Variants in TUBA4B observed in about 807,000 individuals in gnomAD.
TUBA4B encodes tubulin alpha 4b.
In TUBA4B, 13 loss-of-function variants were observed where a neutral mutation model predicts 18.4. The observed-to-expected ratio is 0.71, with a 90% CI of 0.46 to 1.12. TUBA4B has a LOEUF of 1.12. Ranked by LOEUF, TUBA4B falls within the 50% of genes most tolerant of loss-of-function variation. The pLI, the probability that TUBA4B is intolerant of heterozygous loss-of-function variation, is 0.00. For missense variants in TUBA4B, 244 were observed against 250.0 expected (o/e 0.98, Z 0.16); for synonymous variants, 101 against 99.1 (o/e 1.02, Z -0.11).
At chr2:219,269,463 T>C (rs564893088) in intron 2 of TUBA4B, among the ~76,000 whole-genome samples, 3 of 152,208 alleles carry the variant, frequency 2.0e-5, no homozygotes, top group Non-Finnish European at 4.4e-5. Context: ...TGCTCCTCAG[T>C]GCCACCAGTA....
At chr2:219,270,101 C>T (rs901660433) in intron 2 of TUBA4B, 101 bp from the exon 3 acceptor site, 22 of 645,046 alleles carry the variant, frequency 3.4e-5, no homozygotes, top group Non-Finnish European at 5.4e-5. Context: ...ACCTGGGACC[C>T]GGTGACCCCA....
chr2:219,261,172 A>G (rs116264379), intron 1 of TUBA4B, among the ~76,000 whole-genome samples: 3,548 of 152,116 alleles, frequency 0.023, 142 homozygotes, highest in African/African-American at 0.081. Context: ...GGGTTGATTC[A>G]GTCATGTCAC....
At chr2:219,255,080 TTGC>T (rs1951706664) in intron 1 of TUBA4B, among the ~76,000 whole-genome samples, 1 of 152,180 alleles carries the variant, frequency 6.6e-6, no homozygotes, top group African/African-American at 2.4e-5. Flanking sequence ...AGTCAGTGTC[TTGC>T]TGTGTCACCC....
rs779041612 is a variant in TUBA4B, at chr2:219,271,498, C to T, written c.525C>T (p.Ser175=). 4 of 1,614,216 alleles carry T rather than the reference C, an allele frequency of 2.5e-6. No individual in the cohort carries two copies. The highest frequency in any genetic ancestry group is 2.2e-5 in the South Asian group (2 of 91,080). ...NLNRLISQIV[S]SITASLRFDG... Reference sequence around the variant, plus strand: ...ATCGCCTCATTAGCCAAATTGTCTCCTCCATCACAGCTTCTCTGCGCTTTG... The same window carrying T: ...ATCGCCTCATTAGCCAAATTGTCTCTTCCATCACAGCTTCTCTGCGCTTTG... Residue 175 remains serine (S), a synonymous_variant, in exon 4 of 4, where the codon TCC becomes TCT. Coordinates refer to ENST00000490341, the MANE Select transcript of TUBA4B (RefSeq NM_001355221.1).
At position 219,272,179 on chromosome 2, in the gene TUBA4B, C is replaced by T. The variant is rs1188854030; in HGVS notation, c.*480C>T. On this transcript the variant is annotated 3_prime_UTR_variant, in exon 4 of 4. Coordinates refer to ENST00000490341, the MANE Select transcript of TUBA4B (RefSeq NM_001355221.1). ...CTGTGTGTCTGTCCTACATAAAGTG[C>T]TGTGGCCTTATTGTCTCACGAATGT... is the stretch of plus-strand genomic sequence containing the variant. 3 of 547,540 alleles carry T rather than the reference C, an allele frequency of 5.5e-6. No homozygotes were observed. The South Asian group carries it at 5.9e-5, about 11-fold the overall frequency. The allele number at this position is 547,540 out of a possible 1,614,324, so 33.9% of individuals were successfully genotyped here.
intron 1 of TUBA4B, chr2:219,254,312 C>G (rs1040276633): frequency 1.3e-5 from 2 of 156,170 alleles, no homozygotes; most frequent in African/African-American, 4.8e-5. Flanking sequence ...CCACAGCTGG[C>G]CTTCACCCCT....
intron 3 of TUBA4B, 81 bp downstream of exon 3, chr2:219,270,416 AAGG>A: frequency 1.5e-6 from 1 of 682,566 alleles, no homozygotes; most frequent in Non-Finnish European, 2.7e-6. Flanking sequence ...CAGATTGGGG[AAGG>A]ACAGCTTCAG....
At chr2:219,270,107 CCCCACT>C in intron 2 of TUBA4B, 89 bp from the exon 3 acceptor site, 1 of 656,780 alleles carries the variant, frequency 1.5e-6, no homozygotes, top group Non-Finnish European at 2.8e-6. Context: ...GACCCGGTGA[CCCCACT>C]CCCTTCAGGT....
intron 1 of TUBA4B, 40 bp from the exon 2 acceptor site, chr2:219,266,481 C>A (rs1415094500): frequency 1.4e-6 from 1 of 697,460 alleles, no homozygotes; most frequent in Non-Finnish European, 2.6e-6. Context: ...CTGGCCGCTG[C>A]AGGCCTCTCA....
At chr2:219,256,217 A>C (rs1406231429) in intron 1 of TUBA4B, among the ~76,000 whole-genome samples, 4 of 152,210 alleles carry the variant, frequency 2.6e-5, no homozygotes, top group Admixed American at 2.6e-4. Context: ...CGGGATAACA[A>C]CTTCAGATTG....
chr2:219,270,368 A>G, intron 3 of TUBA4B, 33 bp downstream of exon 3: 1 of 707,604 alleles, frequency 1.4e-6, no homozygotes, highest in Non-Finnish European at 2.6e-6. Flanking sequence ...GGGCAGGGGG[A>G]ATGAATCTGG....
intron 1 of TUBA4B, among the ~76,000 whole-genome samples, chr2:219,259,171 T>G (rs1347697844): frequency 7.1e-6 from 1 of 141,834 alleles, no homozygotes; most frequent in Non-Finnish European, 1.5e-5. Context: ...AATAAATAAA[T>G]TATCCGGGCA....
intron 1 of TUBA4B, among the ~76,000 whole-genome samples, chr2:219,263,714 T>C (rs1211528574): frequency 6.6e-6 from 1 of 152,210 alleles, no homozygotes; most frequent in Non-Finnish European, 1.5e-5. Flanking sequence ...CTTTGATATG[T>C]TAAGTGGCTG....
chr2:219,271,020 C>T, intron 3 of TUBA4B, 146 bp from the exon 4 acceptor site: 1 of 602,050 alleles, frequency 1.7e-6, no homozygotes, highest in South Asian at 2.0e-5. Context: ...CCTGGACCCA[C>T]TCTATGAGGA....
Position 219,272,087 on chromosome 2 carries a change from G to A in TUBA4B, c.*388G>A. 3.6e-6 allele frequency: 4 copies of A among 1,102,834 alleles called. No homozygotes were observed. The highest frequency in any genetic ancestry group is 5.5e-6 in the Non-Finnish European group (4 of 730,438). 68.3% of individuals were successfully genotyped at this position (1,102,834 alleles called of 1,614,324 possible). A position where few individuals can be genotyped will look rare whatever the true frequency, so the allele number is the denominator to read the frequency against. Reference sequence around the variant, plus strand: ...TGACTGCCCTGGAGAAGGATTACAAGGAGGTGGGCATGGATAGTGTGGAGT... The same window carrying A: ...TGACTGCCCTGGAGAAGGATTACAAAGAGGTGGGCATGGATAGTGTGGAGT... On this transcript the variant is annotated 3_prime_UTR_variant, in exon 4 of 4. Coordinates refer to ENST00000490341, the MANE Select transcript of TUBA4B (RefSeq NM_001355221.1).
Position 219,253,303 on chromosome 2 carries a change from C to G in TUBA4B, c.-105C>G, listed in dbSNP as rs1322059675. On this transcript the variant is annotated 5_prime_UTR_variant, in exon 1 of 4. Transcript: ENST00000490341. ...AGAGGGCCAGCTCGCTTCAGGAGGC[C>G]GAACCCCGTTCCCACCAACCCTCTC... The G allele has an allele frequency of 7.2e-6, 11 of 1,517,998 alleles. No individual in the cohort carries two copies. Among genetic ancestry groups the G allele is most frequent in the Non-Finnish European group, 9.7e-6 (11 of 1,136,110 alleles). 94.0% of individuals were successfully genotyped at this position (1,517,998 alleles called of 1,614,324 possible).
chr2:219,262,172 G>A lies in TUBA4B; in HGVS notation c.13-4349G>A, dbSNP rs573413062. Among the ~76,000 whole-genome samples the A allele has an allele frequency of 1.0e-3, 159 of 152,268 alleles. 1 individual carries two copies. In the Middle Eastern group the frequency reaches 0.014, roughly 13 times the overall value. ...TAAAAATACAAAAAATTAGCCTGGC[G>A]TGGTGGTGGGCGCCTGTAGTCCCAG... On this transcript the variant is annotated intron_variant, in intron 1 of 3. Transcript: ENST00000490341.
rs1951678120 is a variant in TUBA4B, at chr2:219,253,259, G to A, written c.-149G>A. On this transcript the variant is annotated 5_prime_UTR_variant, in exon 1 of 4. Coordinates refer to ENST00000490341, the MANE Select transcript of TUBA4B (RefSeq NM_001355221.1). ...GCGCCAGCTGTCTCTGCCCATCCGC[G>A]CACCCGGGCTTCGGCTGGAGAGGGC... 4 of 1,492,016 alleles carry A rather than the reference G, an allele frequency of 2.7e-6. No homozygotes were observed. Among genetic ancestry groups the A allele is most frequent in the Non-Finnish European group, 3.6e-6 (4 of 1,120,402 alleles). 92.4% of individuals were successfully genotyped at this position (1,492,016 alleles called of 1,614,324 possible).
intron 1 of TUBA4B, among the ~76,000 whole-genome samples, chr2:219,261,691 C>A (rs1951760117): frequency 6.6e-6 from 1 of 152,240 alleles, no homozygotes; most frequent in South Asian, 2.1e-4. Flanking sequence ...CCTTCAGCAG[C>A]CTCTGAACCA....
Sources: gnomAD v4.1 joint callset for allele counts (sites outside exome capture counted in the v4.1 genomes callset) on GRCh38, gnomAD v4.1.1 for gene constraint, MANE v1.5 for transcripts, NCBI Gene and HGNC (gene_info 2026-07-23, HGNC 2026-07-21) for gene names.